The following MME variants were observed in gnomAD, a reference collection of about 807,000 sequenced individuals.
MME encodes neprilysin.
A neutral mutation model predicts 113.2 loss-of-function variants in MME; 98 were observed. That is an observed-to-expected ratio of 0.87 (90% confidence interval 0.74 to 1.02). The LOEUF is 1.02. MME is among the 50% of genes least tolerant of loss of function. The pLI is 0.00. For missense variants in MME, 836 were observed against 896.0 expected (o/e 0.93, Z 0.86); for synonymous variants, 292 against 300.6 (o/e 0.97, Z 0.30).
At chr3:155,162,224 G>A (rs945874532) in intron 17 of MME, among the ~76,000 whole-genome samples, 1 of 152,152 alleles carries the variant, frequency 6.6e-6, no homozygotes, top group Non-Finnish European at 1.5e-5. Flanking sequence ...CTCTAGAGTA[G>A]GCTCAGGCAT....
At chr3:155,050,295 A>G (rs1713715964) in intron 1 of MME, among the ~76,000 whole-genome samples, 1 of 152,220 alleles carries the variant, frequency 6.6e-6, no homozygotes, top group African/African-American at 2.4e-5. Flanking sequence ...TGATGAACAT[A>G]TGCATGCATG....
At chr3:155,039,129 G>A (rs1001149001) in intron 1 of MME, among the ~76,000 whole-genome samples, 2 of 152,198 alleles carry the variant, frequency 1.3e-5, no homozygotes, top group African/African-American at 4.8e-5. Flanking sequence ...GCCAGACCCA[G>A]TGCCAAGAGG....
At chr3:155,151,506 A>G (rs1287806150) in intron 16 of MME, among the ~76,000 whole-genome samples, 2 of 152,222 alleles carry the variant, frequency 1.3e-5, no homozygotes, top group Non-Finnish European at 2.9e-5. Context: ...TCAGCTGAAT[A>G]TTTGTATTTG....
At chr3:155,146,940 G>A (rs559392374) in intron 14 of MME, among the ~76,000 whole-genome samples, 2 of 152,240 alleles carry the variant, frequency 1.3e-5, no homozygotes, top group Admixed American at 1.3e-4. Context: ...TAAGGCATTA[G>A]AAACTCAATT....
chr3:155,145,381 G>T (rs1322264633), intron 14 of MME, among the ~76,000 whole-genome samples: 1 of 152,078 alleles, frequency 6.6e-6, no homozygotes, highest in African/African-American at 2.4e-5. Context: ...TTGTAGGAAG[G>T]CTTCCCTCAT....
chr3:155,068,434 G>A (rs78480694), intron 1 of MME, among the ~76,000 whole-genome samples: 2,294 of 152,252 alleles, frequency 0.015, 47 homozygotes, highest in African/African-American at 0.051. Context: ...TTAAATATGT[G>A]CAGTTTATTG....
At chr3:155,078,085 C>T (rs533601961), upstream of MME, among the ~76,000 whole-genome samples, 350 of 150,930 alleles carry the variant, frequency 2.3e-3, no homozygotes, top group Non-Finnish European at 4.2e-3. Flanking sequence ...CACACGCAAG[C>T]AAAATTAGCT....
At chr3:155,107,816 G>C (rs1398395046) in intron 3 of MME, among the ~76,000 whole-genome samples, 1 of 152,138 alleles carries the variant, frequency 6.6e-6, no homozygotes, top group Non-Finnish European at 1.5e-5. Flanking sequence ...CCTTTTTGTA[G>C]TCCATTTAGT....
chr3:155,086,464 A>C (rs1484495326), intron 3 of MME, among the ~76,000 whole-genome samples: 1 of 152,226 alleles, frequency 6.6e-6, no homozygotes, highest in Non-Finnish European at 1.5e-5. Context: ...TTGAGTTCTC[A>C]AAAGAAGAGA....
At chr3:155,032,688 G>A (rs950306793) in intron 1 of MME, among the ~76,000 whole-genome samples, 7 of 152,176 alleles carry the variant, frequency 4.6e-5, no homozygotes, top group African/African-American at 1.7e-4. Context: ...GGGATCACAG[G>A]AGGCTTGCTT....
At chr3:155,098,161 A>T (rs1716893753) in intron 3 of MME, among the ~76,000 whole-genome samples, 1 of 152,168 alleles carries the variant, frequency 6.6e-6, no homozygotes, top group African/African-American at 2.4e-5. Flanking sequence ...GCTCATTTGC[A>T]GGGGGCAAGG....
intron 15 of MME, among the ~76,000 whole-genome samples, 187 bp downstream of exon 15, chr3:155,147,411 A>G (rs930920248): frequency 6.6e-6 from 1 of 152,160 alleles, no homozygotes; most frequent in African/African-American, 2.4e-5. Context: ...AGCCAGGACT[A>G]TATTTGGTTA....
chr3:155,050,480 C>T lies in MME; in HGVS notation c.-11+26156C>T, dbSNP rs139217487. 2.1e-3 allele frequency among the ~76,000 whole-genome samples: 314 copies of T among 152,224 alleles called. 1 individual carries two copies. Among genetic ancestry groups the T allele is most frequent in the African/African-American group, 7.3e-3 (304 of 41,534 alleles). ...TGTAAGTATTCCCTTTTCCCTGCAA[C>T]CTTGCCAGTATGTTATTTTTTGACT... On this transcript the variant is annotated intron_variant, in intron 1 of 22. Transcript: ENST00000492661.
At chr3:155,150,846 A>C (rs1342209662) in intron 16 of MME, among the ~76,000 whole-genome samples, 1 of 152,346 alleles carries the variant, frequency 6.6e-6, no homozygotes, top group East Asian at 1.9e-4. Context: ...TTTATCTTCC[A>C]AAATAATCAG....
At chr3:155,124,358 G>A (rs1185567935) in intron 8 of MME, among the ~76,000 whole-genome samples, 2 of 151,786 alleles carry the variant, frequency 1.3e-5, no homozygotes, top group South Asian at 2.1e-4. Flanking sequence ...TTTGCCTTTG[G>A]TTTGAATGTC....
chr3:155,125,062 A>G (rs960742492), intron 8 of MME, among the ~76,000 whole-genome samples: 3 of 149,976 alleles, frequency 2.0e-5, no homozygotes, highest in Admixed American at 6.7e-5. Context: ...TGTGCTAGCA[A>G]TCAGCGAGAT....
At chr3:155,063,808 A>G (rs1342163672) in intron 1 of MME, among the ~76,000 whole-genome samples, 3 of 149,470 alleles carry the variant, frequency 2.0e-5, no homozygotes, top group African/African-American at 4.9e-5. Context: ...GAAAGGGTTT[A>G]TATGGTCTCT....
intron 1 of MME, among the ~76,000 whole-genome samples, chr3:155,067,240 A>G (rs757581554): frequency 3.8e-4 from 57 of 150,008 alleles, no homozygotes; most frequent in Middle Eastern, 3.5e-3. Flanking sequence ...CAAAGATAAA[A>G]TAGATTTTTG....
intron 1 of MME, among the ~76,000 whole-genome samples, chr3:155,054,652 A>T (rs976470846): frequency 1.3e-5 from 2 of 152,152 alleles, no homozygotes; most frequent in African/African-American, 4.8e-5. Flanking sequence ...TCCTGTATCT[A>T]CAAAAAATAC....
Sources: allele counts gnomAD v4.1 joint callset (sites outside exome capture counted in the v4.1 genomes callset), GRCh38; gene constraint gnomAD v4.1.1; transcripts MANE v1.5; gene names NCBI Gene and HGNC (gene_info 2026-07-23, HGNC 2026-07-21).